The following SCARB1 variants were observed in gnomAD, a reference collection of about 807,000 sequenced individuals.
The protein encoded by SCARB1 is scavenger receptor class B member 1, also known as CD36 and LIMPII analogous 1.
Under a neutral mutation model 57.2 loss-of-function variants are expected in SCARB1, and 30 were observed. The ratio of observed to expected loss-of-function variants is 0.52; its 90% CI spans 0.39 to 0.71. The LOEUF (loss-of-function observed/expected upper bound fraction) is 0.71, where lower values mean the gene tolerates loss of function less well. Among genes scored for constraint, SCARB1 ranks in the 30% least tolerant of loss-of-function variants. The pLI is 0.00. For synonymous variants in SCARB1, 249 were observed against 268.3 expected, an observed-to-expected ratio of 0.93 and a Z score of 0.70; for missense variants, 543 against 671.2, an observed-to-expected ratio of 0.81 and a Z score of 2.11.
At chr12:124,825,049 C>G (rs1384243898) in intron 1 of SCARB1, among the ~76,000 whole-genome samples, 2 of 151,572 alleles carry the variant, frequency 1.3e-5, no homozygotes, top group African/African-American at 4.8e-5. Context: ...ACAGTGAAAC[C>G]CTGTCTCTAC....
rs186226948 is a variant in SCARB1 at position 124,853,077 on chromosome 12, C to T, written c.126+10518G>A. Among the ~76,000 whole-genome samples, 59 of 152,118 alleles carry T rather than the reference C, an allele frequency of 3.9e-4. No individual in the cohort carries two copies. The South Asian group carries it at 5.8e-3, about 15-fold the overall frequency. On this transcript the variant is annotated intron_variant, in intron 1 of 12. Coordinates refer to ENST00000261693, the MANE Select transcript of SCARB1 (RefSeq NM_005505.5). ...GCAACTGTCCATTGGGTGGGGTGGG[C>T]AATCACGGGGTGTCTTCTTCAAAAG...
chr12:124,820,990 C>G (rs550902369), intron 1 of SCARB1, among the ~76,000 whole-genome samples: 102 of 152,220 alleles, frequency 6.7e-4, no homozygotes, highest in African/African-American at 2.3e-3. Flanking sequence ...CACCTGTAAT[C>G]CCAGCACTTT....
chr12:124,822,636 G>A lies in SCARB1; in HGVS notation c.127-4929C>T, dbSNP rs956036874. 6.6e-6 allele frequency among the ~76,000 whole-genome samples: 1 copy of A among 152,224 alleles called. No homozygotes were observed. The highest frequency in any genetic ancestry group is 6.5e-5 in the Admixed American group (1 of 15,288). ...ATGGTGGCTCACGCCTGTAATCCAA[G>A]GACTTTGGGAGGCCAAGCCAGGAGA... is the stretch of plus-strand genomic sequence containing the variant. On this transcript the variant is annotated intron_variant, in intron 1 of 12. Coordinates refer to ENST00000261693, the MANE Select transcript of SCARB1 (RefSeq NM_005505.5). This position sits in a 1 kb window ranked among gnomAD's most constrained non-coding sequence, Gnocchi z 5.0.
chr12:124,816,109 G>A (rs1049988373), intron 2 of SCARB1, among the ~76,000 whole-genome samples: 12 of 152,270 alleles, frequency 7.9e-5, no homozygotes, highest in African/African-American at 2.9e-4. Flanking sequence ...CGGGTCCAGT[G>A]AGTGTCCCTT....
intron 2 of SCARB1, among the ~76,000 whole-genome samples, chr12:124,816,009 C>A (rs1258915605): frequency 1.3e-5 from 2 of 151,402 alleles, no homozygotes; most frequent in African/African-American, 2.5e-5. Flanking sequence ...TCCCTCGTAA[C>A]CCCAGCCGCA....
chr12:124,856,780 C>T lies in SCARB1; in HGVS notation c.126+6815G>A, dbSNP rs117442398. Among the ~76,000 whole-genome samples the T allele has an allele frequency of 7.2e-3, 1,091 of 152,302 alleles. 8 individuals carry two copies. Among genetic ancestry groups the T allele is most frequent in the Middle Eastern group, 0.031 (9 of 290 alleles). ...CAGGGGGGCTGATAAAGGCGCAGAG[C>T]GGGCGGCCCCTGCAGGATGGGTGGG... is the stretch of plus-strand genomic sequence containing the variant. On this transcript the variant is annotated intron_variant, in intron 1 of 12. Transcript: ENST00000261693.
chr12:124,827,194 C>T (rs979322066), intron 1 of SCARB1, among the ~76,000 whole-genome samples: 2 of 152,066 alleles, frequency 1.3e-5, no homozygotes, highest in African/African-American at 2.4e-5. Context: ...GGCAGACTCG[C>T]GTCTTAAGAG....
chr12:124,836,250 C>T (rs1951642981), intron 1 of SCARB1, among the ~76,000 whole-genome samples: 1 of 152,172 alleles, frequency 6.6e-6, no homozygotes, highest in Non-Finnish European at 1.5e-5. Context: ...CTGGCAAGCA[C>T]CAGAGGTCTC....
chr12:124,781,937 ACT>A (rs1424298824), intron 12 of SCARB1, among the ~76,000 whole-genome samples: 1 of 151,762 alleles, frequency 6.6e-6, no homozygotes, highest in Non-Finnish European at 1.5e-5. Context: ...ACGGAGTCTC[ACT>A]CTGTCACCCA....
At chr12:124,841,981 C>T (rs1951927209) in intron 1 of SCARB1, among the ~76,000 whole-genome samples, 2 of 152,218 alleles carry the variant, frequency 1.3e-5, no homozygotes, top group Non-Finnish European at 2.9e-5. Context: ...AATTTGTGAG[C>T]AGTAAACATG....
Position 124,814,361 on chromosome 12 carries a change from G to A in SCARB1, c.471C>T (p.Leu157=). Reference sequence around the variant, plus strand: ...GGGTGGTGAATGCCAAGGTCATGATGAGCTTCAGGGTCATGGGCTTATTCT... The same window carrying A: ...GGGTGGTGAATGCCAAGGTCATGATAAGCTTCAGGGTCATGGGCTTATTCT... ...MMENKPMTLK[L]IMTLAFTTLG... Residue 157 remains leucine (L), a synonymous_variant, in exon 4 of 13, where the codon CTC becomes CTT. Transcript: ENST00000261693. This position sits in a 1 kb window ranked among gnomAD's most constrained non-coding sequence, Gnocchi z 4.7. The A allele has an allele frequency of 6.2e-7, 1 of 1,614,110 alleles. No homozygotes were observed.
At chr12:124,858,704 C>T (rs1952744587) in intron 1 of SCARB1, among the ~76,000 whole-genome samples, 1 of 151,846 alleles carries the variant, frequency 6.6e-6, no homozygotes, top group African/African-American at 2.4e-5. Context: ...ACAGTGAAAC[C>T]CCGTCTCCAC....
intron 1 of SCARB1, among the ~76,000 whole-genome samples, chr12:124,832,783 A>T (rs1233631915): frequency 3.3e-5 from 5 of 152,320 alleles, no homozygotes; most frequent in African/African-American, 7.2e-5. Flanking sequence ...AAACCAGATT[A>T]TACTATCATG....
chr12:124,788,167 C>T (rs762233466), intron 9 of SCARB1, among the ~76,000 whole-genome samples: 2 of 152,092 alleles, frequency 1.3e-5, no homozygotes, highest in East Asian at 1.9e-4. Context: ...ACCAGTGTTT[C>T]GATGTGCTGC....
Position 124,800,101 on chromosome 12 carries a change from C to T in SCARB1, c.1128+23G>A, listed in dbSNP as rs377036064. 3 of 1,561,742 alleles carry T rather than the reference C, an allele frequency of 1.9e-6. No homozygotes were observed. Among genetic ancestry groups the T allele is most frequent in the Non-Finnish European group, 2.6e-6 (3 of 1,133,132 alleles). ...CTCCAACCAGGAATCACCCACCCCC[C>T]ACAGAGGATGGCAGGGGCTCACCGG... On this transcript the variant is annotated intron_variant, in intron 8 of 12. Transcript: ENST00000261693. This position sits in a 1 kb window ranked among gnomAD's most constrained non-coding sequence, Gnocchi z 4.8.
chr12:124,839,106 T>G (rs1417880135), intron 1 of SCARB1: 1 of 400,200 alleles, frequency 2.5e-6, no homozygotes, highest in Non-Finnish European at 5.1e-6. Context: ...TACAGTTCAG[T>G]GGCATTAAGG....
chr12:124,842,672 G>A (rs1410670534), intron 1 of SCARB1, among the ~76,000 whole-genome samples: 2 of 152,272 alleles, frequency 1.3e-5, no homozygotes, highest in Non-Finnish European at 2.9e-5. Context: ...GGTGTTTCCA[G>A]CACAGCAAGG....
At chr12:124,791,679 G>A (rs951077814) in intron 9 of SCARB1, among the ~76,000 whole-genome samples, 7 of 152,128 alleles carry the variant, frequency 4.6e-5, no homozygotes, top group Admixed American at 1.3e-4. Flanking sequence ...ATCAGAGACC[G>A]GGCGCAGTGG....
At chr12:124,815,360 T>C (rs1278605473) in intron 2 of SCARB1, among the ~76,000 whole-genome samples, 1 of 152,052 alleles carries the variant, frequency 6.6e-6, no homozygotes, top group Non-Finnish European at 1.5e-5. Flanking sequence ...ACGGCCATCG[T>C]CTCTCCATCT....
Sources: allele counts gnomAD v4.1 joint callset (sites outside exome capture counted in the v4.1 genomes callset), GRCh38; gene constraint gnomAD v4.1.1; non-coding constraint Gnocchi (gnomAD v3.1); transcripts MANE v1.5; gene names NCBI Gene and HGNC (gene_info 2026-07-23, HGNC 2026-07-21).